The following RNF11 variants were observed in gnomAD, a reference collection of about 807,000 sequenced individuals.
RNF11 encodes ring finger protein 11.
A neutral mutation model predicts 15.8 loss-of-function variants in RNF11; 4 were observed. That is an observed-to-expected ratio of 0.25 (90% CI 0.12 to 0.58). The LOEUF is 0.58. Among genes scored for constraint, RNF11 ranks in the 20% least tolerant of loss-of-function variants. The pLI, the probability that RNF11 is intolerant of heterozygous loss-of-function variation, is 0.91. For synonymous variants in RNF11, 68 were observed against 72.3 expected, an observed-to-expected ratio of 0.94 and a Z score of 0.30; for missense variants, 139 against 194.4, an observed-to-expected ratio of 0.71 and a Z score of 1.70.
chr1:51,236,622 G>T lies in RNF11; in HGVS notation c.-135G>T. ...AGCGGCCCCTCGGCGGCACCGTGGGGCGGTGGAGTCGCCTCCGCCTGATCC... is the reference window on the plus strand; with the variant it reads ...AGCGGCCCCTCGGCGGCACCGTGGGTCGGTGGAGTCGCCTCCGCCTGATCC... On this transcript the variant is annotated 5_prime_UTR_variant, in exon 1 of 3. Transcript: ENST00000242719. 1 of 1,204,150 alleles carries T rather than the reference G, an allele frequency of 8.3e-7. No individual in the cohort carries two copies. The highest frequency in any genetic ancestry group is 1.2e-6 in the Non-Finnish European group (1 of 854,602). 74.6% of individuals were successfully genotyped at this position (1,204,150 alleles called of 1,614,324 possible).
chr1:51,246,609 C>T (rs752225391), intron 1 of RNF11, among the ~76,000 whole-genome samples: 6 of 152,014 alleles, frequency 3.9e-5, no homozygotes, highest in African/African-American at 1.2e-4. Context: ...GTAATCTCAG[C>T]GCTTTGGTAG....
At chr1:51,259,895 G>A (rs1420322569) in intron 1 of RNF11, among the ~76,000 whole-genome samples, 1 of 152,136 alleles carries the variant, frequency 6.6e-6, no homozygotes, top group Admixed American at 6.5e-5. Flanking sequence ...TAAACTTATC[G>A]CATTCTCTTT....
intron 1 of RNF11, among the ~76,000 whole-genome samples, chr1:51,237,442 G>GTATATATATATATATATATATGTGTA (rs1646810077): frequency 7.1e-6 from 1 of 140,510 alleles, no homozygotes; most frequent in East Asian, 2.0e-4. Flanking sequence ...ATATATATGT[G>GTATATATATATATATATATATGTGTA]TATATATATA....
At chr1:51,248,810 G>A (rs1646864359) in intron 1 of RNF11, among the ~76,000 whole-genome samples, 1 of 152,158 alleles carries the variant, frequency 6.6e-6, no homozygotes, top group East Asian at 1.9e-4. Context: ...ATTAAATTGA[G>A]TGGTGGAGCT....
In RNF11 at chr1:51,236,624, G is replaced by C; in HGVS notation, c.-133G>C. On this transcript the variant is annotated 5_prime_UTR_variant, in exon 1 of 3. Transcript: ENST00000242719. ...CGGCCCCTCGGCGGCACCGTGGGGC[G>C]GTGGAGTCGCCTCCGCCTGATCCCC... 1 of 1,227,772 alleles carries C rather than the reference G, an allele frequency of 8.1e-7. No individual in the cohort carries two copies. Among genetic ancestry groups the C allele is most frequent in the Non-Finnish European group, 1.1e-6 (1 of 876,226 alleles). 76.1% of individuals were successfully genotyped at this position (1,227,772 alleles called of 1,614,324 possible).
At chr1:51,256,704 C>T (rs928547833) in intron 1 of RNF11, among the ~76,000 whole-genome samples, 2 of 152,038 alleles carry the variant, frequency 1.3e-5, no homozygotes, top group African/African-American at 4.8e-5. Context: ...GATGGAGTCT[C>T]GCTGTCACCC....
At chr1:51,266,970 G>A (rs1436843236) in intron 1 of RNF11, among the ~76,000 whole-genome samples, 3 of 152,142 alleles carry the variant, frequency 2.0e-5, no homozygotes, top group East Asian at 1.9e-4. Context: ...CACATAGCCC[G>A]GACACAGTGG....
At chr1:51,251,464 A>G in intron 1 of RNF11, 1 of 646,512 alleles carries the variant, frequency 1.5e-6, no homozygotes, top group Non-Finnish European at 2.7e-6. Flanking sequence ...CACTGGTGTC[A>G]TCCACCATTT....
At chr1:51,250,921 G>A (rs960935237) in intron 1 of RNF11, 32 of 1,106,210 alleles carry the variant, frequency 2.9e-5, no homozygotes, top group Admixed American at 7.7e-5. Context: ...GAGCCGCAGC[G>A]GCCTGTCACC....
At chr1:51,269,074 G>A (rs1015127150) in intron 1 of RNF11, among the ~76,000 whole-genome samples, 10 of 152,166 alleles carry the variant, frequency 6.6e-5, no homozygotes, top group African/African-American at 9.7e-5. Context: ...GTAAGTAGCC[G>A]AGCTGAGACT....
At chr1:51,258,765 A>G (rs904908319) in intron 1 of RNF11, among the ~76,000 whole-genome samples, 2 of 151,994 alleles carry the variant, frequency 1.3e-5, no homozygotes, top group African/African-American at 4.8e-5. Context: ...TCTTTTGCCA[A>G]TCTCCCTGAT....
At chr1:51,238,001 G>A (rs1294353007) in intron 1 of RNF11, among the ~76,000 whole-genome samples, 2 of 84,476 alleles carry the variant, frequency 2.4e-5, no homozygotes, top group Non-Finnish European at 4.6e-5. Context: ...AATTCTTCTG[G>A]GGGCATTTCA....
At chr1:51,260,006 T>C (rs138796002) in intron 1 of RNF11, among the ~76,000 whole-genome samples, 99 of 152,340 alleles carry the variant, frequency 6.5e-4, no homozygotes, top group South Asian at 1.2e-3. Context: ...GTTTAGATTT[T>C]TATGATGTAC....
At chr1:51,258,304 A>G (rs1237156926) in intron 1 of RNF11, among the ~76,000 whole-genome samples, 1 of 152,200 alleles carries the variant, frequency 6.6e-6, no homozygotes, top group Non-Finnish European at 1.5e-5. Flanking sequence ...ACTGCTGGAG[A>G]TCCTCTTCAT....
rs1244604260 is a variant in RNF11 at position 51,272,838 on chromosome 1, AC to A, written c.*1517del. ...TCTAACAGTTTTCTACATACAAAAC[AC>A]AGTGTCATGAAGGTTATTCATAATT... On this transcript the variant is annotated 3_prime_UTR_variant, in exon 3 of 3. Coordinates refer to ENST00000242719, the MANE Select transcript of RNF11 (RefSeq NM_014372.5). 6.6e-6 allele frequency: 1 copy of A among 152,174 alleles called. No individual in the cohort carries two copies. Among genetic ancestry groups the A allele is most frequent in the Non-Finnish European group, 1.5e-5 (1 of 67,976 alleles). 9.4% of individuals were successfully genotyped at this position (152,174 alleles called of 1,614,324 possible). A position where few individuals can be genotyped will look rare whatever the true frequency, so the allele number is the denominator to read the frequency against.
intron 1 of RNF11, among the ~76,000 whole-genome samples, chr1:51,242,306 A>G (rs908160328): frequency 2.0e-5 from 3 of 151,550 alleles, no homozygotes; most frequent in Non-Finnish European, 4.4e-5. Flanking sequence ...GTGTCTGCAT[A>G]AAGCTTTCTT....
chr1:51,268,199 T>C (rs1646963411), intron 1 of RNF11, among the ~76,000 whole-genome samples: 1 of 152,182 alleles, frequency 6.6e-6, no homozygotes, highest in African/African-American at 2.4e-5. Flanking sequence ...TTAAAACAAG[T>C]ATCATGGGAA....
rs762151168 is a variant in RNF11, at chr1:51,271,313, G to T, written c.456G>T (p.Glu152Asp). The change falls in exon 3 of 3, where the codon GAG becomes GAT. Residue 152 changes from glutamate to aspartate, a missense_variant. Physicochemically the swap from Glu to Asp is conservative, Grantham distance 45 (BLOSUM62 2). Transcript: ENST00000242719. ...ATGCAGCACTGCTTTCATCCTATGA[G>T]ACTAATTGAGCCAGGGTCTCTTATC... ...PVDAALLSSY[E>D]TN 1 of 1,611,646 alleles carries T rather than the reference G, an allele frequency of 6.2e-7. No individual in the cohort carries two copies. The highest frequency in any genetic ancestry group is 1.1e-5 in the South Asian group (1 of 90,772).
chr1:51,262,782 G>A (rs1646936905), intron 1 of RNF11, among the ~76,000 whole-genome samples: 1 of 141,672 alleles, frequency 7.1e-6, no homozygotes, highest in Non-Finnish European at 1.5e-5. Flanking sequence ...TGGCCAGGCT[G>A]GTCTTGAACT....
Sources: gnomAD v4.1 joint callset for allele counts (sites outside exome capture counted in the v4.1 genomes callset) on GRCh38, gnomAD v4.1.1 for gene constraint, MANE v1.5 for transcripts, NCBI Gene and HGNC (gene_info 2026-07-23, HGNC 2026-07-21) for gene names.